The following MED21 variants were observed in gnomAD, a reference collection of about 807,000 sequenced individuals.
MED21 encodes the protein mediator of RNA polymerase II transcription subunit 21.
Under a neutral mutation model 18.2 loss-of-function variants are expected in MED21, and 9 were observed. The observed-to-expected ratio is 0.49, with a 90% CI of 0.30 to 0.86. The LOEUF is 0.86. MED21 is among the 40% of genes least tolerant of loss of function. The pLI, the probability that MED21 is intolerant of heterozygous loss-of-function variation, is 0.07. For synonymous variants in MED21, 73 were observed against 60.5 expected (o/e 1.21, Z -0.96); for missense variants, 150 against 170.9 (o/e 0.88, Z 0.68).
At chr12:27,023,889 C>G (rs1047156702) in intron 1 of MED21, among the ~76,000 whole-genome samples, 4 of 152,100 alleles carry the variant, frequency 2.6e-5, no homozygotes, top group African/African-American at 4.8e-5. Context: ...CATTTAGTAT[C>G]ATTATCAAGT....
chr12:27,035,508 T>C (rs1228491586), downstream of MED21, among the ~76,000 whole-genome samples: 1 of 151,240 alleles, frequency 6.6e-6, no homozygotes, highest in East Asian at 2.0e-4. Context: ...TACATATGTA[T>C]ACATGTGCCA....
chr12:27,026,318 C>T, intron 1 of MED21, 102 bp from the exon 2 acceptor site: 1 of 665,714 alleles, frequency 1.5e-6, no homozygotes, highest in Non-Finnish European at 2.6e-6. Flanking sequence ...TTCCCTTGCT[C>T]AGAGATTATC....
Position 27,022,579 on chromosome 12 carries a change from C to G in MED21, c.-1C>G, listed in dbSNP as rs370627692. The G allele has an allele frequency of 1.3e-6, 2 of 1,561,530 alleles. No homozygotes were observed. Among genetic ancestry groups the G allele is most frequent in the Non-Finnish European group, 1.7e-6 (2 of 1,148,200 alleles). On this transcript the variant is annotated 5_prime_UTR_variant, in exon 1 of 4. Transcript: ENST00000282892. ...TGGCGTCTGTTTGCTGCGGTAGGAA[C>G]ATGGCGGATCGGCTCACGCAGCTTC... is the stretch of plus-strand genomic sequence containing the variant.
downstream of MED21, among the ~76,000 whole-genome samples, chr12:27,033,972 A>G (rs1309898036): frequency 6.6e-6 from 1 of 152,218 alleles, no homozygotes; most frequent in Non-Finnish European, 1.5e-5. Context: ...GCAGAAATTA[A>G]GAAAACAACC....
downstream of MED21, among the ~76,000 whole-genome samples, chr12:27,035,123 T>G (rs79216185): frequency 0.02 from 3,024 of 152,230 alleles, 103 homozygotes; most frequent in African/African-American, 0.069. Context: ...GGAGGATCGC[T>G]TAAGCCTGGG....
intron 1 of MED21, among the ~76,000 whole-genome samples, chr12:27,023,618 C>T (rs1473631457): frequency 6.6e-6 from 1 of 151,952 alleles, no homozygotes; most frequent in Non-Finnish European, 1.5e-5. Context: ...TTTAATGTCT[C>T]CCCCAAATTC....
At chr12:27,031,773 T>C (rs1941621064), downstream of MED21, among the ~76,000 whole-genome samples, 1 of 151,722 alleles carries the variant, frequency 6.6e-6, no homozygotes, top group African/African-American at 2.4e-5. Context: ...ACACAAAATA[T>C]GGGAGGAGTT....
At chr12:27,033,337 T>C (rs988009670), downstream of MED21, among the ~76,000 whole-genome samples, 1 of 152,186 alleles carries the variant, frequency 6.6e-6, no homozygotes, top group Non-Finnish European at 1.5e-5. Flanking sequence ...AGGGAAACTC[T>C]TGGGCCTCTT....
chr12:27,029,770 C>T lies in MED21; in HGVS notation c.*1309C>T, dbSNP rs1279436793. 1 of 985,304 alleles carries T rather than the reference C, an allele frequency of 1.0e-6. No individual in the cohort carries two copies. The highest frequency in any genetic ancestry group is 1.2e-6 in the Non-Finnish European group (1 of 829,416). 61.0% of individuals were successfully genotyped at this position (985,304 alleles called of 1,614,324 possible). A position where few individuals can be genotyped will look rare whatever the true frequency, so the allele number is the denominator to read the frequency against. ...ATCAGATATTTGGCATAAATCTGTACTCTTCATTATAGTTTTGGGGGGAGA... is the reference window on the plus strand; with the variant it reads ...ATCAGATATTTGGCATAAATCTGTATTCTTCATTATAGTTTTGGGGGGAGA... On this transcript the variant is annotated 3_prime_UTR_variant, in exon 4 of 4. Coordinates refer to ENST00000282892, the MANE Select transcript of MED21 (RefSeq NM_004264.5).
intron 1 of MED21, among the ~76,000 whole-genome samples, chr12:27,023,392 C>T (rs1941502447): frequency 7.1e-6 from 1 of 140,594 alleles, no homozygotes; most frequent in Admixed American, 6.9e-5. Flanking sequence ...CTCCGCCTCC[C>T]GGGTTCAAGC....
intron 2 of MED21, chr12:27,037,643 C>T (rs923064439): frequency 3.3e-5 from 5 of 152,124 alleles, no homozygotes; most frequent in Admixed American, 2.6e-4. Context: ...CTCAGGAATG[C>T]ATGGCAGTTC....
chr12:27,030,956 G>A (rs1190204120), downstream of MED21, among the ~76,000 whole-genome samples: 1 of 152,148 alleles, frequency 6.6e-6, no homozygotes, highest in African/African-American at 2.4e-5. Flanking sequence ...TGTCCAGGCT[G>A]GAGTGCAATG....
downstream of MED21, among the ~76,000 whole-genome samples, chr12:27,033,749 C>G (rs756221894): frequency 5.9e-5 from 9 of 152,072 alleles, no homozygotes; most frequent in Non-Finnish European, 1.2e-4. Flanking sequence ...AGAGATAAAA[C>G]TCAGGAGTCA....
intron 2 of MED21, among the ~76,000 whole-genome samples, chr12:27,026,853 G>T (rs1941551322): frequency 6.6e-6 from 1 of 152,144 alleles, no homozygotes; most frequent in Non-Finnish European, 1.5e-5. Flanking sequence ...CATAATAAAT[G>T]AAATTACATA....
chr12:27,030,889 G>A (rs57741620), downstream of MED21: 3,842 of 152,208 alleles, frequency 0.025, 164 homozygotes, highest in African/African-American at 0.087. Context: ...CCTAACTCCC[G>A]TCATCTTCAT....
At chr12:27,034,011 T>G (rs1297192893), downstream of MED21, among the ~76,000 whole-genome samples, 1 of 152,076 alleles carries the variant, frequency 6.6e-6, no homozygotes, top group Non-Finnish European at 1.5e-5. Flanking sequence ...AGCCCAAAGT[T>G]GAGATTCAAA....
rs749454114 is a variant in MED21 at position 27,022,678 on chromosome 12, G to C, written c.42+57G>C. 2.5e-6 allele frequency: 4 copies of C among 1,612,518 alleles called. No individual in the cohort carries two copies. In the South Asian group the frequency reaches 4.4e-5, roughly 18 times the overall value. ...TTCTCTTTCTTGAGGTAAAGCAAGGGAGGAAAGGGGCCCAAGAGGCAAAAC... is the reference window on the plus strand; with the variant it reads ...TTCTCTTTCTTGAGGTAAAGCAAGGCAGGAAAGGGGCCCAAGAGGCAAAAC... On this transcript the variant is annotated intron_variant, in intron 1 of 3. Coordinates refer to ENST00000282892, the MANE Select transcript of MED21 (RefSeq NM_004264.5).
downstream of MED21, among the ~76,000 whole-genome samples, chr12:27,035,147 G>A (rs771798065): frequency 5.3e-5 from 8 of 152,118 alleles, no homozygotes; most frequent in Non-Finnish European, 1.2e-4. Context: ...TACAGGCTGC[G>A]GTGAGCCATG....
intron 2 of MED21, chr12:27,037,006 A>G (rs1037120342): frequency 1.3e-5 from 2 of 152,126 alleles, no homozygotes; most frequent in African/African-American, 4.8e-5. Context: ...TGGGGATGGC[A>G]TTGAATCTAT....
Sources: gnomAD v4.1 joint callset for allele counts (sites outside exome capture counted in the v4.1 genomes callset) on GRCh38, gnomAD v4.1.1 for gene constraint, MANE v1.5 for transcripts, NCBI Gene and HGNC (gene_info 2026-07-23, HGNC 2026-07-21) for gene names.